Variants in SEMA3D observed in about 807,000 individuals in gnomAD.
SEMA3D encodes the protein semaphorin-3D.
Under a neutral mutation model 100.1 loss-of-function variants are expected in SEMA3D, and 84 were observed. That is an observed-to-expected ratio of 0.84 (90% confidence interval 0.70 to 1.01). The LOEUF is 1.01. SEMA3D is among the 50% of genes least tolerant of loss of function. The probability of loss-of-function intolerance (pLI) is 0.00; values close to 1 mark genes in which losing one functional copy is unlikely to be tolerated. For synonymous variants in SEMA3D, 312 were observed against 320.7 expected, an observed-to-expected ratio of 0.97 and a Z score of 0.29; for missense variants, 875 against 934.1, an observed-to-expected ratio of 0.94 and a Z score of 0.82.
chr7:85,245,062 T>C, the SEMA3D span, among the ~76,000 whole-genome samples: 2 of 152,166 alleles, frequency 1.3e-5, no homozygotes, highest in East Asian at 3.9e-4. Context: ...TCCTTTCTTT[T>C]TGAGGGATGT....
At chr7:85,109,503 G>A (rs573577988) in intron 3 of SEMA3D, among the ~76,000 whole-genome samples, 2 of 151,942 alleles carry the variant, frequency 1.3e-5, no homozygotes, top group African/African-American at 2.4e-5. Context: ...TTTCCAAACT[G>A]TTTCTGGCTC....
chr7:85,134,490 A>T (rs2116443392), intron 2 of SEMA3D, among the ~76,000 whole-genome samples: 1 of 152,188 alleles, frequency 6.6e-6, no homozygotes, highest in Middle Eastern at 3.4e-3. Context: ...TAAAAATAAC[A>T]GTTTAAAATA....
chr7:85,124,958 C>T (rs946076885), intron 2 of SEMA3D, among the ~76,000 whole-genome samples: 2 of 152,098 alleles, frequency 1.3e-5, no homozygotes, highest in African/African-American at 4.8e-5. Context: ...ATCGCATTAT[C>T]CTGTTCCTTC....
At chr7:85,082,941 A>G (rs1788107365) in intron 4 of SEMA3D, among the ~76,000 whole-genome samples, 1 of 152,192 alleles carries the variant, frequency 6.6e-6, no homozygotes. Flanking sequence ...AGAAAATGCT[A>G]TTTATTCAGA....
At chr7:85,153,046 A>C (rs1483190427) in intron 2 of SEMA3D, among the ~76,000 whole-genome samples, 1 of 152,152 alleles carries the variant, frequency 6.6e-6, no homozygotes, top group African/African-American at 2.4e-5. Flanking sequence ...CTTGATACAC[A>C]CCAAAGATTG....
At chr7:85,237,135 T>A in the SEMA3D span, among the ~76,000 whole-genome samples, 1 of 152,180 alleles carries the variant, frequency 6.6e-6, no homozygotes, top group Non-Finnish European at 1.5e-5. Flanking sequence ...TTAATAAACT[T>A]TTTTAGAGCA....
intron 1 of SEMA3D, among the ~76,000 whole-genome samples, chr7:85,180,970 T>C (rs1791386315): frequency 6.6e-6 from 1 of 152,236 alleles, no homozygotes; most frequent in Non-Finnish European, 1.5e-5. Context: ...AGAATGCTAC[T>C]CTAGTGTAAG....
intron 2 of SEMA3D, among the ~76,000 whole-genome samples, chr7:85,129,086 A>C (rs1789649500): frequency 6.6e-6 from 1 of 151,592 alleles, no homozygotes; most frequent in South Asian, 2.1e-4. Context: ...GGGTCTCACT[A>C]TTTTGACCAG....
At chr7:85,031,921 T>A (rs1443222320) in intron 12 of SEMA3D, among the ~76,000 whole-genome samples, 1 of 151,912 alleles carries the variant, frequency 6.6e-6, no homozygotes, top group Non-Finnish European at 1.5e-5. Context: ...GGAAATAATG[T>A]AAAATTCAAT....
intron 4 of SEMA3D, among the ~76,000 whole-genome samples, chr7:85,097,546 A>C (rs531824835): frequency 1.3e-5 from 2 of 151,954 alleles, no homozygotes; most frequent in East Asian, 3.9e-4. Context: ...TATATTAACT[A>C]ATTTTTTATG....
rs1562820546 is a variant in SEMA3D at position 85,106,121 on chromosome 7, TA to T, written c.152-8157del. Among the ~76,000 whole-genome samples the T allele has an allele frequency of 1.2e-4, 18 of 152,178 alleles. No homozygotes were observed. In the South Asian group the frequency reaches 2.5e-3, roughly 21 times the overall value. On this transcript the variant is annotated intron_variant, in intron 3 of 18. Transcript: ENST00000284136. The stretch of plus-strand genomic sequence containing the variant: ...TAAAAAAGTTAGTATTATAAATATC[TA>T]GTACATTTCCAGAAAAGCAATGTCA...
At chr7:85,233,726 G>A in the SEMA3D span, among the ~76,000 whole-genome samples, 41 of 152,278 alleles carry the variant, frequency 2.7e-4, no homozygotes, top group African/African-American at 9.4e-4. Context: ...GATTGCTAAC[G>A]TTGAATAAGA....
intron 2 of SEMA3D, among the ~76,000 whole-genome samples, chr7:85,130,059 A>G (rs932873295): frequency 5.9e-5 from 9 of 152,266 alleles, no homozygotes; most frequent in African/African-American, 1.9e-4. Flanking sequence ...TTAGGGAAGT[A>G]AACACCCTAG....
intron 8 of SEMA3D, among the ~76,000 whole-genome samples, chr7:85,059,610 C>CTATCT (rs1360262693): frequency 2.0e-5 from 3 of 152,070 alleles, no homozygotes; most frequent in Admixed American, 1.3e-4. Flanking sequence ...AGAGAATCTT[C>CTATCT]TCTCTAGAGA....
At chr7:85,203,093 T>C in the SEMA3D span, among the ~76,000 whole-genome samples, 5 of 152,194 alleles carry the variant, frequency 3.3e-5, no homozygotes, top group Non-Finnish European at 1.5e-5. Flanking sequence ...ATTTCAGCAG[T>C]TCTCCTCATA....
the SEMA3D span, among the ~76,000 whole-genome samples, chr7:85,202,036 T>C: frequency 2.7e-5 from 4 of 150,536 alleles, no homozygotes; most frequent in Admixed American, 6.6e-5. Context: ...CTCTCTCTCT[T>C]TTTATTTATT....
intron 2 of SEMA3D, chr7:85,141,488 C>T (rs1288861824): frequency 1.0e-6 from 1 of 985,012 alleles, no homozygotes; most frequent in Non-Finnish European, 1.2e-6. Flanking sequence ...GGACATGATG[C>T]ATGTCCTCCC....
intron 1 of SEMA3D, among the ~76,000 whole-genome samples, chr7:85,183,492 T>A (rs1791456001): frequency 1.3e-5 from 2 of 152,206 alleles, no homozygotes; most frequent in Non-Finnish European, 2.9e-5. Context: ...CCTCTGCCTT[T>A]CTAGTTGTTC....
At chr7:85,157,315 A>C (rs2116507098) in intron 1 of SEMA3D, among the ~76,000 whole-genome samples, 1 of 152,322 alleles carries the variant, frequency 6.6e-6, no homozygotes, top group African/African-American at 2.4e-5. Flanking sequence ...ATAGTATAAT[A>C]AAAATAACAT....
Sources: gnomAD v4.1 joint callset for allele counts (sites outside exome capture counted in the v4.1 genomes callset) on GRCh38, gnomAD v4.1.1 for gene constraint, MANE v1.5 for transcripts, NCBI Gene and HGNC (gene_info 2026-07-23, HGNC 2026-07-21) for gene names.